Variants in PTPRD observed in about 807,000 individuals in gnomAD.
PTPRD encodes protein tyrosine phosphatase receptor type D.
In PTPRD, 34 loss-of-function variants were observed where a neutral mutation model predicts 214.5. The observed-to-expected ratio is 0.16, with a 90% CI of 0.12 to 0.21. PTPRD has a LOEUF of 0.21. PTPRD is among the 10% of genes least tolerant of loss of function. The pLI is 1.00. For missense variants in PTPRD, 2,545 were observed against 2,398.7 expected (o/e 1.06, Z -1.27); for synonymous variants, 1,128 against 845.7 (o/e 1.33, Z -5.79).
At chr9:9,768,229 C>G (rs1365797246) in intron 5 of PTPRD, among the ~76,000 whole-genome samples, 2 of 152,090 alleles carry the variant, frequency 1.3e-5, no homozygotes, top group Non-Finnish European at 2.9e-5. Context: ...TACATACCCT[C>G]TCTGAGACTT....
chr9:8,785,060 C>G (rs2095882593), intron 11 of PTPRD, among the ~76,000 whole-genome samples: 1 of 152,064 alleles, frequency 6.6e-6, no homozygotes, highest in African/African-American at 2.4e-5. Flanking sequence ...AGAGAAAACC[C>G]TTGACAGCTA....
At chr9:9,008,216 T>TATTTATTTATTG (rs748287762) in intron 11 of PTPRD, among the ~76,000 whole-genome samples, 187 of 142,380 alleles carry the variant, frequency 1.3e-3, no homozygotes, top group Middle Eastern at 3.6e-3. Context: ...TTTATTTATT[T>TATTTATTTATTG]ATTTATTTAT....
At chr9:8,341,546 G>A in intron 40 of PTPRD, 147 bp downstream of exon 40, 7 of 966,122 alleles carry the variant, frequency 7.2e-6, no homozygotes, top group Non-Finnish European at 9.2e-6. Context: ...GAAAAGGGGA[G>A]GAATACATTT....
chr9:9,196,570 A>G (rs2099938774), intron 9 of PTPRD, among the ~76,000 whole-genome samples: 1 of 152,210 alleles, frequency 6.6e-6, no homozygotes, highest in African/African-American at 2.4e-5. Flanking sequence ...CGGTTATGCC[A>G]TTTTAAACAA....
At chr9:9,650,648 G>C (rs1262161127) in intron 7 of PTPRD, among the ~76,000 whole-genome samples, 2 of 151,942 alleles carry the variant, frequency 1.3e-5, no homozygotes, top group African/African-American at 4.8e-5. Flanking sequence ...TGAGAGGAGA[G>C]ATAGTATCAG....
At chr9:9,396,561 T>C (rs909113346) in intron 9 of PTPRD, among the ~76,000 whole-genome samples, 3 of 152,022 alleles carry the variant, frequency 2.0e-5, no homozygotes, top group Admixed American at 2.0e-4. Context: ...CCAAAACCTA[T>C]GTAAATTTTT....
chr9:9,514,378 G>A (rs1387984402), intron 8 of PTPRD, among the ~76,000 whole-genome samples: 5 of 152,044 alleles, frequency 3.3e-5, no homozygotes, highest in Admixed American at 1.3e-4. Context: ...CCTGGCAACT[G>A]TCAGTTTGGA....
chr9:8,477,037 T>G (rs1425074871), intron 30 of PTPRD, among the ~76,000 whole-genome samples: 1 of 152,068 alleles, frequency 6.6e-6, no homozygotes, highest in Non-Finnish European at 1.5e-5. Flanking sequence ...TGATTCATAT[T>G]GGAGGAGTGA....
rs1555500706 is a variant in PTPRD, at chr9:10,036,577, T to TTA, written c.-544-2788_-544-2787insTA. ...CAAACAGCACAAATACATTTTTTTT[T>TTA]ATTTTATTTCATTTTATTATATTTT... On this transcript the variant is annotated intron_variant, in intron 3 of 45. Transcript: ENST00000381196. 4.7e-4 allele frequency among the ~76,000 whole-genome samples: 71 copies of TTA among 151,592 alleles called. 1 individual carries two copies. In the South Asian group the frequency reaches 0.014, roughly 29 times the overall value.
intron 11 of PTPRD, among the ~76,000 whole-genome samples, chr9:9,017,422 G>A (rs1013804669): frequency 6.6e-6 from 1 of 152,122 alleles, no homozygotes; most frequent in Non-Finnish European, 1.5e-5. Flanking sequence ...GATAACTACA[G>A]GGTAATTCTA....
At chr9:9,815,824 G>T (rs1051642198) in intron 5 of PTPRD, among the ~76,000 whole-genome samples, 1 of 152,140 alleles carries the variant, frequency 6.6e-6, no homozygotes, top group African/African-American at 2.4e-5. Flanking sequence ...GGGATTTAAT[G>T]TATGACATGG....
At position 9,552,923 on chromosome 9, in the gene PTPRD, G is replaced by A. The variant is rs537803639; in HGVS notation, c.-237+21809C>T. On this transcript the variant is annotated intron_variant, in intron 8 of 45. Transcript: ENST00000381196. ...CAGACAAGCTCTACTGACAGTGCTA[G>A]AACATCTGGAGCATTTGGTCAGATT... Among the ~76,000 whole-genome samples, 107 of 152,188 alleles carry A rather than the reference G, an allele frequency of 7.0e-4. No homozygotes were observed. In the Middle Eastern group the frequency reaches 0.01, roughly 15 times the overall value.
intron 23 of PTPRD, 92 bp downstream of exon 23, chr9:8,504,169 A>G: frequency 1.6e-6 from 2 of 1,284,316 alleles, no homozygotes; most frequent in Non-Finnish European, 2.2e-6. Flanking sequence ...TATTAAGCAT[A>G]TTAGCAGGTT....
chr9:9,179,550 C>A (rs1466964895), intron 10 of PTPRD, among the ~76,000 whole-genome samples: 1 of 152,080 alleles, frequency 6.6e-6, no homozygotes, highest in Non-Finnish European at 1.5e-5. Flanking sequence ...TTTAAATACC[C>A]TCTAACATTC....
At chr9:8,418,583 T>G (rs989169158) in intron 35 of PTPRD, among the ~76,000 whole-genome samples, 8 of 149,928 alleles carry the variant, frequency 5.3e-5, no homozygotes, top group East Asian at 3.9e-4. Context: ...TTTTTTTTTG[T>G]AATTTTAATC....
At chr9:8,658,207 G>C (rs893205950) in intron 12 of PTPRD, among the ~76,000 whole-genome samples, 4 of 152,154 alleles carry the variant, frequency 2.6e-5, no homozygotes, top group Non-Finnish European at 5.9e-5. Flanking sequence ...GATTTTATGG[G>C]AATTAAAGGA....
intron 5 of PTPRD, among the ~76,000 whole-genome samples, chr9:9,855,419 C>G (rs1466391974): frequency 1.3e-4 from 20 of 152,074 alleles, no homozygotes; most frequent in African/African-American, 2.4e-5. Flanking sequence ...CACATCATAG[C>G]TGATCATAAG....
intron 11 of PTPRD, among the ~76,000 whole-genome samples, chr9:8,939,837 C>G (rs1443821739): frequency 6.6e-6 from 1 of 151,948 alleles, no homozygotes; most frequent in Non-Finnish European, 1.5e-5. Context: ...TAGTGTTGTA[C>G]TTGGTGATAG....
chr9:8,804,480 C>T (rs912796088), intron 11 of PTPRD, among the ~76,000 whole-genome samples: 2 of 151,836 alleles, frequency 1.3e-5, no homozygotes, highest in Non-Finnish European at 2.9e-5. Flanking sequence ...TGCCTGTGGT[C>T]CCAATTACCT....
Sources: allele counts gnomAD v4.1 joint callset (sites outside exome capture counted in the v4.1 genomes callset), GRCh38; gene constraint gnomAD v4.1.1; transcripts MANE v1.5; gene names NCBI Gene and HGNC (gene_info 2026-07-23, HGNC 2026-07-21).